Variants in OOSP4A observed in about 807,000 individuals in gnomAD.
OOSP4A encodes the protein oocyte-secreted protein 4A.
At chr11:59,966,528 T>C (rs1590564026) in intron 2 of OOSP4A, among the ~76,000 whole-genome samples, 1 of 151,580 alleles carries the variant, frequency 6.6e-6, no homozygotes, top group Non-Finnish European at 1.5e-5. Flanking sequence ...CAGGCTGGAG[T>C]GCAGCGGCAC....
chr11:59,967,206 A>AT, intron 3 of OOSP4A, 42 bp downstream of exon 3: 1 of 397,382 alleles, frequency 2.5e-6, no homozygotes, highest in Non-Finnish European at 4.4e-6. Flanking sequence ...ATCTAATATT[A>AT]TTTTTGCCTT....
At chr11:59,965,122 C>T (rs1332209481) in intron 1 of OOSP4A, among the ~76,000 whole-genome samples, 1 of 129,182 alleles carries the variant, frequency 7.7e-6, no homozygotes, top group Non-Finnish European at 1.5e-5. Flanking sequence ...AGGGGAACAT[C>T]ACACACCGGG....
At chr11:59,965,666 T>G (rs571280566) in exon 2 of OOSP4A, 1 of 398,540 alleles carries the variant, frequency 2.5e-6, no homozygotes, top group Non-Finnish European at 4.4e-6. Context: ...CGAGGTGGAT[T>G]TCTTTGGGTT....
chr11:59,964,912 T>C (rs1250918581), intron 1 of OOSP4A, among the ~76,000 whole-genome samples: 1 of 152,112 alleles, frequency 6.6e-6, no homozygotes, highest in Non-Finnish European at 1.5e-5. Flanking sequence ...AGATATCACT[T>C]ACACCTAGAT....
chr11:59,969,754 C>T (rs59878671), intron 4 of OOSP4A, among the ~76,000 whole-genome samples: 2,751 of 152,276 alleles, frequency 0.018, 81 homozygotes, highest in African/African-American at 0.06. Flanking sequence ...CCTTATTCCA[C>T]GTATCAACCG....
chr11:59,969,333 T>TA, intron 4 of OOSP4A, 49 bp downstream of exon 4: 1 of 397,848 alleles, frequency 2.5e-6, no homozygotes, highest in Non-Finnish European at 4.4e-6. Context: ...TACATTTATA[T>TA]AAAAAAGGCC....
chr11:59,968,905 A>C (rs1020288213), intron 3 of OOSP4A, among the ~76,000 whole-genome samples: 1 of 152,194 alleles, frequency 6.6e-6, no homozygotes, highest in African/African-American at 2.4e-5. Flanking sequence ...ATTCCTGTGA[A>C]ATTGGCTTCA....
At chr11:59,969,995 A>G (rs1403886085) in intron 4 of OOSP4A, 54 bp from the exon 5 acceptor site, 2 of 397,274 alleles carry the variant, frequency 5.0e-6, no homozygotes, top group Non-Finnish European at 8.9e-6. Context: ...GGATAGTTAG[A>G]TGGTAGTTTC....
At chr11:59,968,808 C>A (rs1463294243) in intron 3 of OOSP4A, among the ~76,000 whole-genome samples, 7 of 152,194 alleles carry the variant, frequency 4.6e-5, no homozygotes, top group African/African-American at 1.7e-4. Flanking sequence ...GAACTGCATG[C>A]CTCTAATCAT....
At chr11:59,964,099 T>C in exon 1 of OOSP4A, 1 of 397,852 alleles carries the variant, frequency 2.5e-6, no homozygotes, top group Middle Eastern at 6.3e-4. Flanking sequence ...TCTCCAAGAT[T>C]GTAAGAAAAA....
At chr11:59,966,663 A>T (rs1430564361) in intron 2 of OOSP4A, among the ~76,000 whole-genome samples, 2 of 152,066 alleles carry the variant, frequency 1.3e-5, no homozygotes, top group African/African-American at 4.8e-5. Context: ...TTTAGTAGAG[A>T]TGGGGTTTCA....
At chr11:59,969,888 C>T (rs1234888005) in intron 4 of OOSP4A, among the ~76,000 whole-genome samples, 161 bp from the exon 5 acceptor site, 1 of 152,102 alleles carries the variant, frequency 6.6e-6, no homozygotes, top group Non-Finnish European at 1.5e-5. Flanking sequence ...GTGTATATAT[C>T]GTATTTGTGA....
chr11:59,965,248 GTAAC>G (rs1854087093), intron 1 of OOSP4A, among the ~76,000 whole-genome samples: 1 of 152,052 alleles, frequency 6.6e-6, no homozygotes. Flanking sequence ...GTATACATAT[GTAAC>G]TAACCTGCAC....
At chr11:59,965,362 CAT>C (rs1854088266) in intron 1 of OOSP4A, among the ~76,000 whole-genome samples, 171 bp from the exon 2 acceptor site, 1 of 152,128 alleles carries the variant, frequency 6.6e-6, no homozygotes, top group Non-Finnish European at 1.5e-5. Flanking sequence ...AACTGAGACA[CAT>C]AGAGATTAAT....
chr11:59,964,148 C>CTTT lies in OOSP4A; in HGVS notation c.67+67_67+69dup, dbSNP rs397848906. 1,648 of 310,874 alleles carry CTTT rather than the reference C, an allele frequency of 5.3e-3. 6 individuals carry two copies. The highest frequency in any genetic ancestry group is 6.9e-3 in the Non-Finnish European group (1,261 of 183,446). 19.3% of individuals were successfully genotyped at this position (310,874 alleles called of 1,614,324 possible). On this transcript the variant is annotated intron_variant, in intron 1 of 4. Transcript: ENST00000645590. ...GAGGTGGCAATTTCAATCAGCAGGGCTTTTTTTTTTTTTTTTTTTTAACAT... is the reference window on the plus strand; with the variant it reads ...GAGGTGGCAATTTCAATCAGCAGGGCTTTTTTTTTTTTTTTTTTTTTTTAACAT...
chr11:59,968,172 G>T (rs1854120668), intron 3 of OOSP4A, among the ~76,000 whole-genome samples: 1 of 152,166 alleles, frequency 6.6e-6, no homozygotes, highest in Non-Finnish European at 1.5e-5. Context: ...TTCATGTTTT[G>T]CTGATATGAC....
chr11:59,965,796 CA>C (rs1854092809), intron 2 of OOSP4A, 83 bp downstream of exon 2: 1 of 397,140 alleles, frequency 2.5e-6, no homozygotes, highest in African/African-American at 2.1e-5. Flanking sequence ...CTGCAGTATT[CA>C]CATTTTAATT....
In OOSP4A at chr11:59,965,159, AG is replaced by A. The variant is rs1444116279; in HGVS notation, c.68-370del. 4.3e-3 allele frequency among the ~76,000 whole-genome samples: 147 copies of A among 34,446 alleles called. 1 individual carries two copies. The highest frequency in any genetic ancestry group is 0.017 in the African/African-American group (142 of 8,528). The allele number at this position is 34,446 out of a possible 152,430, so 22.6% of individuals were successfully genotyped here. A position where few individuals can be genotyped will look rare whatever the true frequency, so the allele number is the denominator to read the frequency against. On this transcript the variant is annotated intron_variant, in intron 1 of 4. Transcript: ENST00000645590. ...CCTGTTGTGGGGTGGGGGAGGGGGG[AG>A]GGGGGAGGGATAGCATTAGGAGATA...
At chr11:59,964,569 G>A (rs537939901) in intron 1 of OOSP4A, among the ~76,000 whole-genome samples, 3 of 152,130 alleles carry the variant, frequency 2.0e-5, no homozygotes, top group African/African-American at 7.2e-5. Context: ...GAATAGATTT[G>A]GCATAGATTT....
Sources: allele counts gnomAD v4.1 joint callset (sites outside exome capture counted in the v4.1 genomes callset), GRCh38; gene constraint gnomAD v4.1.1; transcripts MANE v1.5; gene names NCBI Gene and HGNC (gene_info 2026-07-23, HGNC 2026-07-21).